Variants in ANKS1B observed in about 807,000 individuals in gnomAD.
ANKS1B encodes ankyrin repeat and sterile alpha motif domain containing 1B, also known as ankyrin repeat and sterile alpha motif domain-containing protein 1B.
ANKS1B carries 36 observed loss-of-function variants against 148.3 expected under a neutral mutation model. That is an observed-to-expected ratio of 0.24 (90% confidence interval 0.19 to 0.32). The LOEUF is 0.32. Ranked by LOEUF, ANKS1B falls within the 10% of genes least tolerant of loss-of-function variation. The pLI is 1.00. For missense variants in ANKS1B, 1,157 were observed against 1,542.6 expected, an observed-to-expected ratio of 0.75 and a Z score of 4.19; for synonymous variants, 542 against 560.8, an observed-to-expected ratio of 0.97 and a Z score of 0.47.
chr12:99,630,503 T>G (rs1423592013), intron 9 of ANKS1B, among the ~76,000 whole-genome samples: 1 of 152,160 alleles, frequency 6.6e-6, no homozygotes, highest in Non-Finnish European at 1.5e-5. Context: ...AGTTGGTATA[T>G]TCACCTCTGC....
At chr12:99,395,817 G>A (rs193002103) in intron 12 of ANKS1B, among the ~76,000 whole-genome samples, 6 of 152,164 alleles carry the variant, frequency 3.9e-5, no homozygotes, top group African/African-American at 1.4e-4. Context: ...TGCAGCATAC[G>A]ATTTATTTTT....
At chr12:99,768,414 C>T (rs925684567) in intron 8 of ANKS1B, among the ~76,000 whole-genome samples, 3 of 152,094 alleles carry the variant, frequency 2.0e-5, no homozygotes, top group Non-Finnish European at 2.9e-5. Context: ...AACCTCATGT[C>T]GGTGTCCCCG....
In ANKS1B at chr12:99,784,781, C is replaced by T. The variant is rs150039025; in HGVS notation, c.670-2684G>A. ...ATGCTTTAAGAACCATAAACATGTA[C>T]GATATCTCGAATCTTAGCTTAAAAT... On this transcript the variant is annotated intron_variant, in intron 4 of 26. Transcript: ENST00000683438. Among the ~76,000 whole-genome samples the T allele has an allele frequency of 3.1e-3, 473 of 152,248 alleles. 5 individuals carry two copies. The highest frequency in any genetic ancestry group is 9.9e-3 in the African/African-American group (410 of 41,546).
chr12:99,314,622 C>A (rs1016206807), intron 12 of ANKS1B, among the ~76,000 whole-genome samples: 1 of 152,152 alleles, frequency 6.6e-6, no homozygotes, highest in Admixed American at 6.5e-5. Flanking sequence ...CACACATCTA[C>A]AACCATCTGA....
At chr12:99,369,751 T>TAGATAGAG (rs2092990156) in intron 12 of ANKS1B, among the ~76,000 whole-genome samples, 1 of 103,978 alleles carries the variant, frequency 9.6e-6, no homozygotes, top group Admixed American at 9.3e-5. Flanking sequence ...GATAGAAAGA[T>TAGATAGAG]AGATAGATAG....
chr12:99,180,574 C>T (rs1293474224), intron 14 of ANKS1B, among the ~76,000 whole-genome samples: 1 of 150,302 alleles, frequency 6.7e-6, no homozygotes, highest in Non-Finnish European at 1.5e-5. Context: ...CTTTGATTTT[C>T]CCAAGATTGG....
chr12:99,376,908 A>C (rs944219593), intron 12 of ANKS1B, among the ~76,000 whole-genome samples: 2 of 152,178 alleles, frequency 1.3e-5, no homozygotes, highest in African/African-American at 4.8e-5. Context: ...GATTGATTAA[A>C]TCATGGATAC....
chr12:99,496,925 G>C (rs973631810), intron 10 of ANKS1B, among the ~76,000 whole-genome samples: 10 of 152,242 alleles, frequency 6.6e-5, no homozygotes, highest in African/African-American at 2.2e-4. Context: ...GTTGTGTGCT[G>C]TACTGTGGCC....
chr12:98,978,894 A>G (rs528733453), intron 17 of ANKS1B, among the ~76,000 whole-genome samples: 145 of 152,146 alleles, frequency 9.5e-4, no homozygotes, highest in Non-Finnish European at 1.8e-3. Context: ...CTGTAATCCC[A>G]GCATTTTGGG....
At chr12:99,629,900 A>G (rs903152598) in intron 9 of ANKS1B, among the ~76,000 whole-genome samples, 4 of 152,174 alleles carry the variant, frequency 2.6e-5, no homozygotes, top group African/African-American at 9.6e-5. Flanking sequence ...AATAGGTTAT[A>G]TGACTGACAA....
chr12:99,833,900 A>G (rs2084413167), intron 1 of ANKS1B, among the ~76,000 whole-genome samples: 1 of 152,148 alleles, frequency 6.6e-6, no homozygotes. Context: ...TTCTCCTAGC[A>G]AAATGGATAT....
chr12:98,951,523 G>A (rs2099854082), intron 17 of ANKS1B, among the ~76,000 whole-genome samples: 3 of 152,066 alleles, frequency 2.0e-5, no homozygotes, highest in South Asian at 4.2e-4. Flanking sequence ...TTGCCCTCCC[G>A]GTGTTCTGCT....
Position 99,229,035 on chromosome 12 carries a change from C to T in ANKS1B, c.2419+15307G>A, listed in dbSNP as rs573510062. The stretch of plus-strand genomic sequence containing the variant: ...AATGAAAATAAAATTAATGTATACT[C>T]ACTGTTAAAAGCTTAGAAAATTTAG... On this transcript the variant is annotated intron_variant, in intron 14 of 26. Coordinates refer to ENST00000683438, the MANE Select transcript of ANKS1B (RefSeq NM_001352186.2). Among the ~76,000 whole-genome samples the T allele has an allele frequency of 5.3e-5, 8 of 151,972 alleles. No individual in the cohort carries two copies. The East Asian group carries it at 1.5e-3, about 29-fold the overall frequency.
intron 11 of ANKS1B, among the ~76,000 whole-genome samples, chr12:99,412,840 A>C (rs2094761232): frequency 6.6e-6 from 1 of 152,198 alleles, no homozygotes; most frequent in Admixed American, 6.5e-5. Flanking sequence ...CGAAGAAAGT[A>C]AGTATCATTG....
intron 1 of ANKS1B, among the ~76,000 whole-genome samples, chr12:99,969,271 T>C (rs2095528982): frequency 6.6e-6 from 1 of 152,162 alleles, no homozygotes; most frequent in Non-Finnish European, 1.5e-5. Flanking sequence ...CTTGAACTCC[T>C]GGGCTCAAGC....
Position 98,833,073 on chromosome 12 carries a change from C to T in ANKS1B, c.2779-937G>A, listed in dbSNP as rs539737061. ...GGATGGTATTTTGAATCTGACCATG[C>T]TGCAAAGGGCACATGGTAGAAGAGC... On this transcript the variant is annotated intron_variant, in intron 17 of 26. Transcript: ENST00000683438. Among the ~76,000 whole-genome samples the T allele has an allele frequency of 7.9e-5, 12 of 152,242 alleles. No homozygotes were observed. The East Asian group carries it at 2.3e-3, about 29-fold the overall frequency.
intron 12 of ANKS1B, among the ~76,000 whole-genome samples, chr12:99,327,691 G>A (rs568447936): frequency 1.3e-5 from 2 of 148,960 alleles, no homozygotes; most frequent in African/African-American, 2.5e-5. Flanking sequence ...AATAAAAGTC[G>A]GTTTTCTTTT....
downstream of ANKS1B, among the ~76,000 whole-genome samples, chr12:98,739,870 C>T (rs557606156): frequency 9.2e-5 from 14 of 152,144 alleles, no homozygotes; most frequent in African/African-American, 2.9e-4. Context: ...TCACAAATTG[C>T]GACCCTGCTG....
At position 99,702,465 on chromosome 12, in the gene ANKS1B, C is replaced by T. The variant is rs147797382; in HGVS notation, c.1129-47255G>A. Among the ~76,000 whole-genome samples, 219 of 152,218 alleles carry T rather than the reference C, an allele frequency of 1.4e-3. 1 individual carries two copies. The highest frequency in any genetic ancestry group is 5.1e-3 in the African/African-American group (212 of 41,554). ...AATCCCTTGTTATAGGGGTTGTCTG[C>T]AAATATTGTCTCCCATTCTGTGGGT... On this transcript the variant is annotated intron_variant, in intron 8 of 26. Coordinates refer to ENST00000683438, the MANE Select transcript of ANKS1B (RefSeq NM_001352186.2).
Sources: gnomAD v4.1 joint callset for allele counts (sites outside exome capture counted in the v4.1 genomes callset) on GRCh38, gnomAD v4.1.1 for gene constraint, MANE v1.5 for transcripts, NCBI Gene and HGNC (gene_info 2026-07-23, HGNC 2026-07-21) for gene names.